The following UNC5D variants were observed in gnomAD, a reference collection of about 807,000 sequenced individuals.
UNC5D encodes netrin receptor UNC5D.
Under a neutral mutation model 105.4 loss-of-function variants are expected in UNC5D, and 39 were observed. The ratio of observed to expected loss-of-function variants is 0.37; its 90% CI spans 0.29 to 0.48. UNC5D has a LOEUF of 0.48. UNC5D is among the 20% of genes least tolerant of loss of function. The pLI, the probability that UNC5D is intolerant of heterozygous loss-of-function variation, is 0.98. For missense variants in UNC5D, 991 were observed against 1,202.4 expected (o/e 0.82, Z 2.60); for synonymous variants, 452 against 450.4 (o/e 1.00, Z -0.04).
chr8:35,296,193 T>C (rs1362823199), intron 1 of UNC5D, among the ~76,000 whole-genome samples: 1 of 152,202 alleles, frequency 6.6e-6, no homozygotes, highest in Non-Finnish European at 1.5e-5. Flanking sequence ...GAATTGCTGG[T>C]TACATGGTAG....
intron 4 of UNC5D, among the ~76,000 whole-genome samples, chr8:35,619,726 T>C (rs1034412642): frequency 1.3e-5 from 2 of 152,238 alleles, no homozygotes; most frequent in African/African-American, 4.8e-5. Context: ...TTCAGACTTG[T>C]ATACAATCTT....
At position 35,617,115 on chromosome 8, in the gene UNC5D, G is replaced by A. The variant is rs10103960; in HGVS notation, c.570+21458G>A. Among the ~76,000 whole-genome samples the A allele has an allele frequency of 6.2e-3, 942 of 152,222 alleles. 7 individuals are homozygous for A. The highest frequency in any genetic ancestry group is 0.02 in the African/African-American group (844 of 41,552). On this transcript the variant is annotated intron_variant, in intron 4 of 16. Transcript: ENST00000404895. ...CCGATTCACTTAGCAAATGTAGACT[G>A]CCTTTGTTTCTTAGGCTGAGCTTAT...
chr8:35,596,614 A>C (rs1047821569), intron 4 of UNC5D, among the ~76,000 whole-genome samples: 4 of 152,120 alleles, frequency 2.6e-5, no homozygotes, highest in Non-Finnish European at 4.4e-5. Flanking sequence ...TTAGGGAGAC[A>C]TGAGACATCA....
rs1052979984 is a variant in UNC5D at position 35,757,648 on chromosome 8, C to T, written c.2164-1672C>T. ...CACAACATTGTAAGTTTCCTGGTGGCGAGGTTGTTTCATTTCTGCACACCC... is the reference window on the plus strand; with the variant it reads ...CACAACATTGTAAGTTTCCTGGTGGTGAGGTTGTTTCATTTCTGCACACCC... On this transcript the variant is annotated intron_variant, in intron 13 of 16. Transcript: ENST00000404895. Among the ~76,000 whole-genome samples the T allele has an allele frequency of 4.6e-5, 7 of 152,234 alleles. No homozygotes were observed. The East Asian group carries it at 5.8e-4, about 13-fold the overall frequency.
At chr8:35,244,874 G>A (rs1427746527) in intron 1 of UNC5D, among the ~76,000 whole-genome samples, 1 of 151,880 alleles carries the variant, frequency 6.6e-6, no homozygotes. Flanking sequence ...AAGTTAGCTG[G>A]ACGTGGTTGT....
At chr8:35,357,595 G>A (rs1176041510) in intron 1 of UNC5D, among the ~76,000 whole-genome samples, 2 of 152,020 alleles carry the variant, frequency 1.3e-5, no homozygotes, top group Non-Finnish European at 2.9e-5. Flanking sequence ...TACTGTGTTG[G>A]CTTTGCTTAT....
chr8:35,756,400 T>C (rs1329589392), intron 13 of UNC5D, among the ~76,000 whole-genome samples: 1 of 152,040 alleles, frequency 6.6e-6, no homozygotes, highest in African/African-American at 2.4e-5. Flanking sequence ...CTTAATATTA[T>C]CCATTCTGAG....
chr8:35,442,869 C>T (rs1022931180), intron 1 of UNC5D, among the ~76,000 whole-genome samples: 8 of 146,444 alleles, frequency 5.5e-5, no homozygotes, highest in African/African-American at 2.1e-4. Flanking sequence ...CTCTCTCTCT[C>T]TCTCTCTCTC....
intron 1 of UNC5D, among the ~76,000 whole-genome samples, chr8:35,529,970 A>G (rs1268877146): frequency 2.0e-5 from 3 of 151,442 alleles, no homozygotes; most frequent in Admixed American, 6.6e-5. Context: ...TTTTCTATAT[A>G]TACAATCATG....
chr8:35,461,311 T>C (rs1808877920), intron 1 of UNC5D, among the ~76,000 whole-genome samples: 1 of 152,184 alleles, frequency 6.6e-6, no homozygotes, highest in South Asian at 2.1e-4. Context: ...GAACTCCCTA[T>C]CTGGCTTTAT....
At chr8:35,307,349 A>C (rs557413067) in intron 1 of UNC5D, among the ~76,000 whole-genome samples, 1 of 152,294 alleles carries the variant, frequency 6.6e-6, no homozygotes, top group South Asian at 2.1e-4. Flanking sequence ...TCATCTAGAC[A>C]AGAGTCCTTA....
At chr8:35,291,947 C>T (rs1585511029) in intron 1 of UNC5D, among the ~76,000 whole-genome samples, 1 of 152,156 alleles carries the variant, frequency 6.6e-6, no homozygotes, top group African/African-American at 2.4e-5. Flanking sequence ...ATTGTACAGC[C>T]ATGGAAAAAA....
intron 1 of UNC5D, among the ~76,000 whole-genome samples, chr8:35,363,687 G>C (rs1356667692): frequency 1.3e-5 from 2 of 152,024 alleles, no homozygotes; most frequent in African/African-American, 4.8e-5. Flanking sequence ...TTATCTGCCA[G>C]GTTTCTCCCC....
intron 8 of UNC5D, chr8:35,721,392 A>G (rs77665627): frequency 0.021 from 14,690 of 702,582 alleles, 511 homozygotes; most frequent in African/African-American, 0.11. Context: ...CGGGGTGGGG[A>G]GGCACCCACA....
chr8:35,644,000 G>T (rs1448915602), intron 4 of UNC5D, among the ~76,000 whole-genome samples: 3 of 152,048 alleles, frequency 2.0e-5, no homozygotes, highest in African/African-American at 7.2e-5. Context: ...AAAGCTGTTG[G>T]GGATATTGAG....
chr8:35,345,971 C>T (rs1811782203), intron 1 of UNC5D, among the ~76,000 whole-genome samples: 1 of 152,036 alleles, frequency 6.6e-6, no homozygotes, highest in African/African-American at 2.4e-5. Flanking sequence ...CCTCTCAGGT[C>T]ATGGCGTGTG....
intron 11 of UNC5D, among the ~76,000 whole-genome samples, chr8:35,734,417 C>G (rs1003888639): frequency 7.7e-6 from 1 of 130,094 alleles, no homozygotes; most frequent in Non-Finnish European, 1.6e-5. Flanking sequence ...TTCTTTCTTT[C>G]TTTATTTCTT....
chr8:35,562,656 A>G (rs188893262), intron 2 of UNC5D, among the ~76,000 whole-genome samples: 1 of 151,994 alleles, frequency 6.6e-6, no homozygotes, highest in African/African-American at 2.4e-5. Context: ...CCATTTTTAA[A>G]TCTTTTGTTC....
intron 1 of UNC5D, among the ~76,000 whole-genome samples, chr8:35,513,728 A>C (rs1449948284): frequency 6.6e-6 from 1 of 152,140 alleles, no homozygotes; most frequent in East Asian, 1.9e-4. Context: ...TTTTTGCTGA[A>C]TGTTCCAAAC....
Sources: gnomAD v4.1 joint callset for allele counts (sites outside exome capture counted in the v4.1 genomes callset) on GRCh38, gnomAD v4.1.1 for gene constraint, MANE v1.5 for transcripts, NCBI Gene and HGNC (gene_info 2026-07-23, HGNC 2026-07-21) for gene names.